GALNT13: variants seen among roughly 807,000 people sequenced by gnomAD.
GALNT13 encodes polypeptide N-acetylgalactosaminyltransferase 13.
Under a neutral mutation model 64.2 loss-of-function variants are expected in GALNT13, and 28 were observed. The ratio of observed to expected loss-of-function variants is 0.44; its 90% CI spans 0.32 to 0.60. The LOEUF (loss-of-function observed/expected upper bound fraction) is 0.60, where lower values mean the gene tolerates loss of function less well. Ranked by LOEUF, GALNT13 falls within the 20% of genes least tolerant of loss-of-function variation. The pLI is 0.05. For missense variants in GALNT13, 577 were observed against 669.8 expected (o/e 0.86, Z 1.53); for synonymous variants, 214 against 224.6 (o/e 0.95, Z 0.42).
At chr2:153,345,689 T>TTCTTTCTTTC in the GALNT13 span, among the ~76,000 whole-genome samples, 17 of 137,712 alleles carry the variant, frequency 1.2e-4, no homozygotes, top group African/African-American at 4.0e-4. Flanking sequence ...CTTTCTTTCT[T>TTCTTTCTTTC]TCTTTCTTTC....
intron 3 of GALNT13, among the ~76,000 whole-genome samples, chr2:154,078,815 G>T (rs961694772): frequency 6.6e-6 from 1 of 151,522 alleles, no homozygotes; most frequent in Non-Finnish European, 1.5e-5. Flanking sequence ...AGCTTCTAGA[G>T]CCAGATCACT....
chr2:154,080,567 G>A (rs1047091932), intron 3 of GALNT13, among the ~76,000 whole-genome samples: 3 of 151,460 alleles, frequency 2.0e-5, no homozygotes, highest in Non-Finnish European at 3.0e-5. Flanking sequence ...CTCAAACAAG[G>A]TGACAAGTGG....
intron 9 of GALNT13, among the ~76,000 whole-genome samples, chr2:154,331,939 A>T (rs987957490): frequency 6.6e-6 from 1 of 152,110 alleles, no homozygotes; most frequent in Admixed American, 6.6e-5. Flanking sequence ...TTTATTAAGG[A>T]ATAAATTCAT....
At chr2:153,804,313 A>G in the GALNT13 span, among the ~76,000 whole-genome samples, 1 of 152,114 alleles carries the variant, frequency 6.6e-6, no homozygotes, top group Non-Finnish European at 1.5e-5. Flanking sequence ...GACCACAGGC[A>G]TGTGCCATCA....
chr2:153,366,235 T>C, the GALNT13 span, among the ~76,000 whole-genome samples: 2 of 151,900 alleles, frequency 1.3e-5, no homozygotes, highest in South Asian at 2.1e-4. Context: ...CACTGAGGCC[T>C]GTTGTAAGAT....
chr2:154,156,021 T>C (rs1684398050), intron 4 of GALNT13, among the ~76,000 whole-genome samples: 1 of 152,012 alleles, frequency 6.6e-6, no homozygotes, highest in African/African-American at 2.4e-5. Flanking sequence ...TATTTTATTT[T>C]TTCCCTAACA....
At chr2:154,329,459 A>G (rs1695052528) in intron 9 of GALNT13, among the ~76,000 whole-genome samples, 1 of 152,166 alleles carries the variant, frequency 6.6e-6, no homozygotes, top group African/African-American at 2.4e-5. Context: ...ACATAGTCAA[A>G]TTTATCAGTT....
chr2:154,150,845 G>A (rs1041713358), intron 4 of GALNT13, among the ~76,000 whole-genome samples: 3 of 151,860 alleles, frequency 2.0e-5, no homozygotes, highest in East Asian at 1.9e-4. Context: ...TCTTGCTAGC[G>A]GTCTATCAAT....
the GALNT13 span, among the ~76,000 whole-genome samples, chr2:153,508,551 G>T: frequency 6.6e-6 from 1 of 152,140 alleles, no homozygotes; most frequent in African/African-American, 2.4e-5. Context: ...AGTCCTAAAG[G>T]CTGGTCTCAC....
chr2:153,240,040 A>G, the GALNT13 span, among the ~76,000 whole-genome samples: 4 of 152,212 alleles, frequency 2.6e-5, no homozygotes, highest in East Asian at 5.8e-4. Context: ...TCCTGGTTCA[A>G]TCTTGGTAGG....
chr2:153,425,692 TGTAAAAA>T, the GALNT13 span, among the ~76,000 whole-genome samples: 1 of 151,872 alleles, frequency 6.6e-6, no homozygotes, highest in Non-Finnish European at 1.5e-5. Context: ...ATGCTATACA[TGTAAAAA>T]GTAAATAGTT....
the GALNT13 span, among the ~76,000 whole-genome samples, chr2:153,160,067 A>G: frequency 6.6e-6 from 1 of 152,196 alleles, no homozygotes; most frequent in Non-Finnish European, 1.5e-5. Context: ...AACAATTGGG[A>G]AAAAAAGGAA....
the GALNT13 span, among the ~76,000 whole-genome samples, chr2:153,445,058 A>T: frequency 2.2e-4 from 34 of 152,324 alleles, no homozygotes; most frequent in Admixed American, 1.3e-3. Context: ...ATAGCAATTG[A>T]CAGTGTCAAT....
intron 9 of GALNT13, among the ~76,000 whole-genome samples, chr2:154,317,369 A>G (rs1358096660): frequency 6.6e-6 from 1 of 152,174 alleles, no homozygotes; most frequent in Non-Finnish European, 1.5e-5. Context: ...TTTGGAATTG[A>G]TTTTTAGTGA....
At chr2:153,231,105 A>G in the GALNT13 span, among the ~76,000 whole-genome samples, 5 of 152,006 alleles carry the variant, frequency 3.3e-5, no homozygotes, top group Non-Finnish European at 5.9e-5. Flanking sequence ...CATCGGTTTT[A>G]ACTATGTTTT....
chr2:153,421,658 C>T, the GALNT13 span: 1 of 275,432 alleles, frequency 3.6e-6, no homozygotes, highest in South Asian at 5.7e-5. Context: ...TGCCCCCAGG[C>T]ATAGTTATGG....
chr2:154,071,419 A>AGGAAATTTGT (rs1032302466), intron 3 of GALNT13, among the ~76,000 whole-genome samples: 1 of 152,194 alleles, frequency 6.6e-6, no homozygotes, highest in Non-Finnish European at 1.5e-5. Flanking sequence ...CCTTAAATGT[A>AGGAAATTTGT]GGAAATTTGT....
intron 10 of GALNT13, among the ~76,000 whole-genome samples, chr2:154,407,593 A>G (rs568315798): frequency 3.6e-4 from 3 of 8,350 alleles, no homozygotes; most frequent in Non-Finnish European, 8.8e-4. Flanking sequence ...TCAGCCCTAT[A>G]TGAACAGGTA....
At chr2:153,308,568 G>C in the GALNT13 span, among the ~76,000 whole-genome samples, 1 of 152,078 alleles carries the variant, frequency 6.6e-6, no homozygotes, top group African/African-American at 2.4e-5. Context: ...TGGCTCCTCT[G>C]GGGAGTAAAG....
Sources: allele counts gnomAD v4.1 joint callset (sites outside exome capture counted in the v4.1 genomes callset), GRCh38; gene constraint gnomAD v4.1.1; transcripts MANE v1.5; gene names NCBI Gene and HGNC (gene_info 2026-07-23, HGNC 2026-07-21).